LRCH1: variants seen among roughly 807,000 people sequenced by gnomAD.
The protein encoded by LRCH1 is leucine-rich repeat and calponin homology domain-containing protein 1.
Under a neutral mutation model 94.9 loss-of-function variants are expected in LRCH1, and 23 were observed. The ratio of observed to expected loss-of-function variants is 0.24; its 90% confidence interval spans 0.17 to 0.34. The LOEUF (loss-of-function observed/expected upper bound fraction) is 0.34, where lower values mean the gene tolerates loss of function less well. LRCH1 is among the 10% of genes least tolerant of loss of function. The pLI is 1.00. For missense variants in LRCH1, 790 were observed against 945.9 expected, an observed-to-expected ratio of 0.84 and a Z score of 2.16; for synonymous variants, 364 against 354.9, an observed-to-expected ratio of 1.03 and a Z score of -0.29.
Position 46,729,030 on chromosome 13 carries a change from A to G in LRCH1, c.2007+46A>G, listed in dbSNP as rs767285861. The G allele has an allele frequency of 3.2e-6, 5 of 1,567,100 alleles. No individual in the cohort carries two copies. The South Asian group carries it at 6.0e-5, about 19-fold the overall frequency. Reference sequence around the variant, plus strand: ...ACTAACTGACATAAAACAGACCTTTAGGGGGCACTGTTGTTGGTTTAGGAT... The same window carrying G: ...ACTAACTGACATAAAACAGACCTTTGGGGGGCACTGTTGTTGGTTTAGGAT... On this transcript the variant is annotated intron_variant, in intron 18 of 19. Transcript: ENST00000389797.
chr13:46,632,426 G>C (rs1167994601), intron 1 of LRCH1, among the ~76,000 whole-genome samples: 2 of 152,138 alleles, frequency 1.3e-5, no homozygotes, highest in African/African-American at 4.8e-5. Flanking sequence ...TGGAGACCTC[G>C]AGAATTCTCA....
chr13:46,666,637 A>C (rs1277363675), intron 2 of LRCH1, among the ~76,000 whole-genome samples: 1 of 152,260 alleles, frequency 6.6e-6, no homozygotes. Flanking sequence ...ATGGCTCCAA[A>C]TAAATAGACT....
chr13:46,626,538 A>G (rs980880919), intron 1 of LRCH1, among the ~76,000 whole-genome samples: 1 of 152,162 alleles, frequency 6.6e-6, no homozygotes, highest in African/African-American at 2.4e-5. Context: ...CCCGCAAAAC[A>G]TTGCTCTTAA....
chr13:46,553,777 G>A (rs2050030637), intron 1 of LRCH1, 74 bp downstream of exon 1: 2 of 1,567,596 alleles, frequency 1.3e-6, no homozygotes, highest in Non-Finnish European at 1.7e-6. Context: ...CTAACGCGGT[G>A]GACAGTCGGA....
intron 4 of LRCH1, among the ~76,000 whole-genome samples, chr13:46,683,787 T>C (rs1483549838): frequency 1.3e-5 from 2 of 152,222 alleles, no homozygotes; most frequent in Non-Finnish European, 2.9e-5. Flanking sequence ...TATTCCATAA[T>C]TATGTTTTCT....
intron 17 of LRCH1, among the ~76,000 whole-genome samples, chr13:46,727,311 G>A (rs1872871262): frequency 6.6e-6 from 1 of 152,132 alleles, no homozygotes; most frequent in East Asian, 1.9e-4. Flanking sequence ...CTAGAAGAGA[G>A]AACAATAGAA....
chr13:46,689,030 C>T (rs979099974), intron 6 of LRCH1, 103 bp from the exon 7 acceptor site: 10 of 904,100 alleles, frequency 1.1e-5, no homozygotes, highest in East Asian at 5.1e-5. Context: ...TAAAAATTTG[C>T]GTAGCAAAAT....
downstream of LRCH1, among the ~76,000 whole-genome samples, chr13:46,747,253 G>A (rs767376447): frequency 4.6e-5 from 7 of 152,192 alleles, no homozygotes; most frequent in Non-Finnish European, 8.8e-5. Context: ...AAGGGCCTGG[G>A]AAAGAGGGTG....
Position 46,667,239 on chromosome 13 carries a change from T to G in LRCH1, c.453-1791T>G, listed in dbSNP as rs112798185. 7.4e-4 allele frequency among the ~76,000 whole-genome samples: 113 copies of G among 152,212 alleles called. 1 individual carries two copies. The highest frequency in any genetic ancestry group is 2.3e-3 in the African/African-American group (97 of 41,518). ...TGAGTGCCCTGGAGCAGCAGAGATA[T>G]CAAGGTGTTGACAAGGCCGTGCCCA... On this transcript the variant is annotated intron_variant, in intron 2 of 19. Coordinates refer to ENST00000389797, the MANE Select transcript of LRCH1 (RefSeq NM_001164211.2).
At chr13:46,752,663 C>T in exon 19 of LRCH1, 1 of 152,164 alleles carries the variant, frequency 6.6e-6, no homozygotes, top group East Asian at 1.9e-4. Context: ...GTTTAGCCTG[C>T]TGCACCTTCA....
At chr13:46,735,026 G>A (rs1483157732) in intron 19 of LRCH1, among the ~76,000 whole-genome samples, 2 of 151,536 alleles carry the variant, frequency 1.3e-5, no homozygotes, top group African/African-American at 4.9e-5. Context: ...CAGCTTGGTG[G>A]GATTCAGAGG....
intron 17 of LRCH1, among the ~76,000 whole-genome samples, chr13:46,728,126 C>T (rs919092768): frequency 1.3e-5 from 2 of 152,104 alleles, no homozygotes; most frequent in South Asian, 4.1e-4. Flanking sequence ...CCATGCTGCC[C>T]AGGCTGGTCT....
intron 3 of LRCH1, among the ~76,000 whole-genome samples, chr13:46,679,370 G>A (rs993505225): frequency 6.6e-6 from 1 of 152,182 alleles, no homozygotes; most frequent in African/African-American, 2.4e-5. Context: ...GCATTTGATT[G>A]TTGGCTCTTG....
intron 2 of LRCH1, among the ~76,000 whole-genome samples, chr13:46,659,613 G>A (rs1252527273): frequency 6.6e-6 from 1 of 152,226 alleles, no homozygotes; most frequent in African/African-American, 2.4e-5. Flanking sequence ...GTGATACTCA[G>A]TGGGGATGGT....
At chr13:46,684,335 C>G (rs1472156668) in intron 4 of LRCH1, among the ~76,000 whole-genome samples, 1 of 151,566 alleles carries the variant, frequency 6.6e-6, no homozygotes, top group African/African-American at 2.4e-5. Flanking sequence ...TTCCTGTTTT[C>G]CTGAACTATG....
chr13:46,736,093 G>A (rs1873368093), intron 19 of LRCH1, among the ~76,000 whole-genome samples: 1 of 148,322 alleles, frequency 6.7e-6, no homozygotes, highest in Non-Finnish European at 1.5e-5. Context: ...CACTGTGCCT[G>A]GCCAAGGTGA....
chr13:46,590,747 T>A (rs759493938), intron 1 of LRCH1, among the ~76,000 whole-genome samples: 18 of 152,306 alleles, frequency 1.2e-4, no homozygotes, highest in African/African-American at 4.1e-4. Flanking sequence ...CACAACTGAA[T>A]TGTCTATGCT....
intron 15 of LRCH1, among the ~76,000 whole-genome samples, chr13:46,715,300 G>GT (rs1250672949): frequency 1.3e-5 from 2 of 152,148 alleles, no homozygotes; most frequent in Admixed American, 1.3e-4. Context: ...TTGCAGAACT[G>GT]TTAAGATTAA....
intron 18 of LRCH1, among the ~76,000 whole-genome samples, chr13:46,730,284 T>C (rs529015091): frequency 7.9e-5 from 12 of 152,354 alleles, no homozygotes; most frequent in Non-Finnish European, 1.6e-4. Flanking sequence ...CTTGCAAGTA[T>C]GAAGTAAGAT....
Sources: allele counts gnomAD v4.1 joint callset (sites outside exome capture counted in the v4.1 genomes callset), GRCh38; gene constraint gnomAD v4.1.1; transcripts MANE v1.5; gene names NCBI Gene and HGNC (gene_info 2026-07-23, HGNC 2026-07-21).